The following CDH13 variants were observed in gnomAD, a reference collection of about 807,000 sequenced individuals.
The protein encoded by CDH13 is cadherin-13.
Under a neutral mutation model 63.8 loss-of-function variants are expected in CDH13, and 24 were observed. That is an observed-to-expected ratio of 0.38 (90% CI 0.27 to 0.53). CDH13 has a LOEUF of 0.53. CDH13 is among the 20% of genes least tolerant of loss of function. CDH13 has a pLI of 0.85. For synonymous variants in CDH13, 503 were observed against 355.3 expected, an observed-to-expected ratio of 1.42 and a Z score of -4.67; for missense variants, 1,049 against 903.1, an observed-to-expected ratio of 1.16 and a Z score of -2.07.
chr16:83,580,777 C>G (rs943485813), intron 7 of CDH13, among the ~76,000 whole-genome samples: 3 of 152,126 alleles, frequency 2.0e-5, no homozygotes, highest in Non-Finnish European at 2.9e-5. Flanking sequence ...CAGGCCTGCA[C>G]CACCACACCC....
Position 83,091,981 on chromosome 16 carries a change from AT to A in CDH13, c.367-33397del, listed in dbSNP as rs897589723. 8.5e-5 allele frequency among the ~76,000 whole-genome samples: 13 copies of A among 152,280 alleles called. No homozygotes were observed. The East Asian group carries it at 2.1e-3, about 25-fold the overall frequency. On this transcript the variant is annotated intron_variant, in intron 3 of 13. Coordinates refer to ENST00000567109, the MANE Select transcript of CDH13 (RefSeq NM_001257.5). ...TCTAGTAAGTTCAGAGAATCTAGAA[AT>A]TTTTTTCTGTGCATACCAGGCAATG...
chr16:82,672,660 A>C (rs1298042332), intron 1 of CDH13, among the ~76,000 whole-genome samples: 1 of 151,800 alleles, frequency 6.6e-6, no homozygotes, highest in Non-Finnish European at 1.5e-5. Flanking sequence ...TGCCTTGTAA[A>C]TCTTAATTCC....
At chr16:82,785,149 C>A (rs1460392695) in intron 1 of CDH13, among the ~76,000 whole-genome samples, 1 of 151,926 alleles carries the variant, frequency 6.6e-6, no homozygotes, top group Non-Finnish European at 1.5e-5. Flanking sequence ...GGCTTGCGTT[C>A]GGGGCTGGCA....
intron 2 of CDH13, among the ~76,000 whole-genome samples, chr16:83,012,778 G>A (rs989671080): frequency 6.6e-6 from 1 of 152,110 alleles, no homozygotes; most frequent in Non-Finnish European, 1.5e-5. Context: ...TTCTCTGTAA[G>A]TGCTTGTCCA....
intron 7 of CDH13, among the ~76,000 whole-genome samples, chr16:83,550,076 G>C (rs997405026): frequency 1.6e-4 from 25 of 152,330 alleles, no homozygotes; most frequent in African/African-American, 5.8e-4. Context: ...TCTAGTGCAG[G>C]GGTGATGACT....
intron 7 of CDH13, among the ~76,000 whole-genome samples, chr16:83,540,459 C>T (rs142601051): frequency 1.3e-5 from 2 of 152,280 alleles, no homozygotes; most frequent in African/African-American, 2.4e-5. Flanking sequence ...CTCCTCCTTG[C>T]TCTTTCTACC....
chr16:83,381,633 C>A (rs892584543), intron 6 of CDH13, among the ~76,000 whole-genome samples: 1 of 151,968 alleles, frequency 6.6e-6, no homozygotes, highest in South Asian at 2.1e-4. Context: ...CAACCACTCT[C>A]ACCTAAAAAA....
intron 5 of CDH13, among the ~76,000 whole-genome samples, chr16:83,263,421 CTCCTGGTTCT>C (rs755722451): frequency 1.3e-4 from 20 of 152,114 alleles, no homozygotes; most frequent in Non-Finnish European, 2.4e-4. Flanking sequence ...TATCCATTTC[CTCCTGGTTCT>C]TCCTCTTGAG....
intron 8 of CDH13, among the ~76,000 whole-genome samples, chr16:83,620,886 T>C (rs1322443010): frequency 6.6e-6 from 1 of 152,118 alleles, no homozygotes; most frequent in Non-Finnish European, 1.5e-5. Context: ...GCAAGACTGG[T>C]CATTCCATCA....
At chr16:83,740,787 A>G (rs1944056754) in intron 10 of CDH13, among the ~76,000 whole-genome samples, 1 of 152,168 alleles carries the variant, frequency 6.6e-6, no homozygotes, top group South Asian at 2.1e-4. Context: ...GGCAAGAAGT[A>G]TCCCATCCTC....
chr16:83,580,448 TTCTCTCTCTCTCTCTCTCTCTC>T (rs55664829), intron 7 of CDH13, among the ~76,000 whole-genome samples: 837 of 76,420 alleles, frequency 0.011, 13 homozygotes, highest in African/African-American at 0.03. Context: ...TTCTGTTCAT[TTCTCTCTCTCTCTCTCTCTCTC>T]TCTCTCTCTC....
chr16:82,693,248 C>G (rs956568014), intron 1 of CDH13, among the ~76,000 whole-genome samples: 2 of 152,180 alleles, frequency 1.3e-5, no homozygotes, highest in African/African-American at 2.4e-5. Flanking sequence ...GCCCTGTTTC[C>G]TGACCCAGTT....
At chr16:83,497,135 A>G (rs2074164738) in intron 7 of CDH13, among the ~76,000 whole-genome samples, 1 of 152,190 alleles carries the variant, frequency 6.6e-6, no homozygotes, top group Admixed American at 6.5e-5. Context: ...TGGAAGTACC[A>G]TTTGACCCAG....
chr16:82,680,417 G>A (rs1597305195), intron 1 of CDH13, among the ~76,000 whole-genome samples: 1 of 152,340 alleles, frequency 6.6e-6, no homozygotes, highest in African/African-American at 2.4e-5. Flanking sequence ...AGGTGCGGGT[G>A]TAAGATTTGA....
intron 5 of CDH13, among the ~76,000 whole-genome samples, chr16:83,329,739 T>C (rs1282502176): frequency 6.6e-6 from 1 of 152,220 alleles, no homozygotes; most frequent in East Asian, 1.9e-4. Context: ...GAAATTTGAT[T>C]ACTTTAGAGA....
chr16:82,788,825 C>G (rs1027342282), intron 1 of CDH13, among the ~76,000 whole-genome samples: 3 of 152,146 alleles, frequency 2.0e-5, no homozygotes, highest in African/African-American at 7.2e-5. Context: ...ATTAAAGAAG[C>G]AGGAATGGGT....
chr16:83,557,459 G>A (rs1002560690), intron 7 of CDH13, among the ~76,000 whole-genome samples: 1 of 152,146 alleles, frequency 6.6e-6, no homozygotes. Context: ...GGGGACTGAT[G>A]TTCTATGTAT....
chr16:83,210,741 A>T (rs566275665), intron 4 of CDH13, among the ~76,000 whole-genome samples: 7 of 152,126 alleles, frequency 4.6e-5, no homozygotes, highest in African/African-American at 1.7e-4. Flanking sequence ...AACCGATTAA[A>T]GTGCAATTCA....
chr16:83,168,194 G>A (rs184302479), intron 4 of CDH13, among the ~76,000 whole-genome samples: 55 of 152,006 alleles, frequency 3.6e-4, no homozygotes, highest in Non-Finnish European at 6.9e-4. Flanking sequence ...AATCTAAAAC[G>A]AAAGTTGAAA....
Sources: allele counts gnomAD v4.1 joint callset (sites outside exome capture counted in the v4.1 genomes callset), GRCh38; gene constraint gnomAD v4.1.1; transcripts MANE v1.5; gene names NCBI Gene and HGNC (gene_info 2026-07-23, HGNC 2026-07-21).